The following ZNF146 variants were observed in gnomAD, a reference collection of about 807,000 sequenced individuals.
The protein encoded by ZNF146 is zinc finger protein OZF.
In ZNF146, 9 loss-of-function variants were observed where a neutral mutation model predicts 22.2. The ratio of observed to expected loss-of-function variants is 0.41; its 90% CI spans 0.24 to 0.71. The LOEUF (loss-of-function observed/expected upper bound fraction) is 0.71, where lower values mean the gene tolerates loss of function less well. Ranked by LOEUF, ZNF146 falls within the 30% of genes least tolerant of loss-of-function variation. The pLI, the probability that ZNF146 is intolerant of heterozygous loss-of-function variation, is 0.34. For missense variants in ZNF146, 194 were observed against 344.8 expected (o/e 0.56, Z 3.46); for synonymous variants, 108 against 119.2 (o/e 0.91, Z 0.61).
chr19:36,238,067 G>A lies in ZNF146; in HGVS notation c.*748G>A, dbSNP rs1246323663. ...GATATTTACTGTGGCTTGATTTGTA[G>A]TAGCCAAAAATTAGAAACAACTGAG... On this transcript the variant is annotated 3_prime_UTR_variant, in exon 4 of 4. Transcript: ENST00000443387. 1 of 167,060 alleles carries A rather than the reference G, an allele frequency of 6.0e-6. No homozygotes were observed. Among genetic ancestry groups the A allele is most frequent in the East Asian group, 1.9e-4 (1 of 5,198 alleles). The allele number at this position is 167,060 out of a possible 1,614,324, so 10.3% of individuals were successfully genotyped here. A position where few individuals can be genotyped will look rare whatever the true frequency, so the allele number is the denominator to read the frequency against.
At chr19:36,219,013 T>A (rs1415847580) in intron 2 of ZNF146, among the ~76,000 whole-genome samples, 1 of 151,668 alleles carries the variant, frequency 6.6e-6, no homozygotes, top group Non-Finnish European at 1.5e-5. Flanking sequence ...TTTCACCGTG[T>A]TAGCCAGGAT....
chr19:36,228,192 C>G (rs1233013075), intron 2 of ZNF146, among the ~76,000 whole-genome samples: 11 of 150,802 alleles, frequency 7.3e-5, no homozygotes, highest in Admixed American at 6.6e-4. Flanking sequence ...GAATTTCACT[C>G]TCAGTATAAT....
At chr19:36,219,736 T>C (rs1437278845) in intron 2 of ZNF146, among the ~76,000 whole-genome samples, 1 of 152,182 alleles carries the variant, frequency 6.6e-6, no homozygotes, top group Non-Finnish European at 1.5e-5. Flanking sequence ...TTTCTACAGG[T>C]ATTGTAAAGT....
chr19:36,233,387 C>T (rs373447161), intron 3 of ZNF146, among the ~76,000 whole-genome samples: 3 of 152,018 alleles, frequency 2.0e-5, no homozygotes, highest in African/African-American at 4.8e-5. Context: ...CAGCTGTGGG[C>T]GTTTCTCGTC....
At chr19:36,217,101 T>C (rs1976645259) in intron 1 of ZNF146, among the ~76,000 whole-genome samples, 1 of 133,620 alleles carries the variant, frequency 7.5e-6, no homozygotes, top group African/African-American at 2.8e-5. Context: ...CTCTCTCTCT[T>C]GCCCAGTCTA....
In ZNF146 at chr19:36,238,204, G is replaced by T. The variant is rs1271957849; in HGVS notation, c.*885G>T. The T allele has an allele frequency of 6.0e-6, 1 of 167,016 alleles. No homozygotes were observed. Among genetic ancestry groups the T allele is most frequent in the Non-Finnish European group, 1.5e-5 (1 of 68,116 alleles). 10.3% of individuals were successfully genotyped at this position (167,016 alleles called of 1,614,324 possible). A position where few individuals can be genotyped will look rare whatever the true frequency, so the allele number is the denominator to read the frequency against. On this transcript the variant is annotated 3_prime_UTR_variant, in exon 4 of 4. Transcript: ENST00000443387. ...GAAAGATCCCAGAATTGTTGAGGGG[G>T]GATCAAGTTGCAGAATGATACAGAT...
intron 2 of ZNF146, among the ~76,000 whole-genome samples, chr19:36,221,753 T>G (rs1568429835): frequency 2.0e-5 from 3 of 152,022 alleles, no homozygotes; most frequent in Non-Finnish European, 4.4e-5. Context: ...TTTGTTTGCT[T>G]CTTGTTTATC....
rs185079323 is a variant in ZNF146, at chr19:36,231,910, A to T, written c.-783+3091A>T. On this transcript the variant is annotated intron_variant, in intron 3 of 3. Coordinates refer to ENST00000443387, the MANE Select transcript of ZNF146 (RefSeq NM_007145.3). The stretch of plus-strand genomic sequence containing the variant: ...TTGAGACCCCGTATCTTTTTTATTT[A>T]AAAAAAAAAAGGCCAGACTCGGTGG... Among the ~76,000 whole-genome samples, 457 of 79,274 alleles carry T rather than the reference A, an allele frequency of 5.8e-3. 1 individual carries two copies. Among genetic ancestry groups the T allele is most frequent in the African/African-American group, 0.028 (422 of 15,002 alleles). 52.0% of individuals were successfully genotyped at this position (79,274 alleles called of 152,430 possible). A position where few individuals can be genotyped will look rare whatever the true frequency, so the allele number is the denominator to read the frequency against.
intron 2 of ZNF146, among the ~76,000 whole-genome samples, chr19:36,224,961 A>G (rs1157805209): frequency 6.9e-6 from 1 of 145,846 alleles, no homozygotes; most frequent in Non-Finnish European, 1.5e-5. Flanking sequence ...ACATACTAAT[A>G]TTATTCCCTG....
chr19:36,227,078 C>T (rs966320744), intron 2 of ZNF146, among the ~76,000 whole-genome samples: 3 of 139,320 alleles, frequency 2.2e-5, no homozygotes, highest in Non-Finnish European at 4.7e-5. Flanking sequence ...AGTAAAACTC[C>T]ATCTCAAAAA....
chr19:36,235,789 TC>T lies in ZNF146; in HGVS notation c.-650del, dbSNP rs1977624877. ...AGCGTTGAATATAAGAAAAAATACT[TC>T]CTCTGTTCTCAGATCGTATTTGTTT... On this transcript the variant is annotated 5_prime_UTR_variant, in exon 4 of 4. An upstream open reading frame in the 5' UTR loses its in-frame stop. Transcript: ENST00000443387. The T allele has an allele frequency of 6.6e-6, 1 of 152,186 alleles. No individual in the cohort carries two copies. Among genetic ancestry groups the T allele is most frequent in the African/African-American group, 2.4e-5 (1 of 41,434 alleles). 9.4% of individuals were successfully genotyped at this position (152,186 alleles called of 1,614,324 possible).
At chr19:36,215,063 G>T (rs768390437), upstream of ZNF146, 1 of 152,368 alleles carries the variant, frequency 6.6e-6, no homozygotes, top group Non-Finnish European at 1.5e-5. Flanking sequence ...TGACCGAGGC[G>T]GGCCGCGTCG....
At chr19:36,228,224 TC>T (rs1977166643) in intron 2 of ZNF146, among the ~76,000 whole-genome samples, 1 of 151,172 alleles carries the variant, frequency 6.6e-6, no homozygotes, top group South Asian at 2.1e-4. Context: ...AAATAGGACT[TC>T]AGGAAAATGT....
chr19:36,234,383 A>G (rs980288817), intron 3 of ZNF146, among the ~76,000 whole-genome samples: 1 of 152,150 alleles, frequency 6.6e-6, no homozygotes, highest in African/African-American at 2.4e-5. Context: ...GAGCTCTCCC[A>G]TATAACAAAA....
At chr19:36,223,054 GT>G in intron 2 of ZNF146, among the ~76,000 whole-genome samples, 1 of 152,052 alleles carries the variant, frequency 6.6e-6, no homozygotes, top group African/African-American at 2.4e-5. Context: ...GCCCAAGCAA[GT>G]CTCAGACTCC....
At position 36,231,468 on chromosome 19, in the gene ZNF146, C is replaced by T. The variant is rs553266947; in HGVS notation, c.-783+2649C>T. ...AAGTGATCTGCCCGCCTCAGCCTCT[C>T]AAAGTGCTAGGATTACAGGCGGGAG... On this transcript the variant is annotated intron_variant, in intron 3 of 3. Coordinates refer to ENST00000443387, the MANE Select transcript of ZNF146 (RefSeq NM_007145.3). Among the ~76,000 whole-genome samples, 3 of 152,266 alleles carry T rather than the reference C, an allele frequency of 2.0e-5. No individual in the cohort carries two copies. The South Asian group carries it at 6.2e-4, about 32-fold the overall frequency.
In ZNF146 at chr19:36,216,638, A is replaced by G. The variant is rs145244398; in HGVS notation, c.-929+1442A>G. On this transcript the variant is annotated intron_variant, in intron 1 of 3. Transcript: ENST00000443387. ...TCGCCACTGCACTCCAGCCTGGACA[A>G]GAGCGAGATTCCGTCTCAATAATAG... 9.0e-4 allele frequency among the ~76,000 whole-genome samples: 137 copies of G among 152,150 alleles called. No homozygotes were observed. In the East Asian group the frequency reaches 0.018, roughly 20 times the overall value.
chr19:36,234,667 G>T (rs550157974), intron 3 of ZNF146, among the ~76,000 whole-genome samples: 3 of 152,280 alleles, frequency 2.0e-5, no homozygotes, highest in Admixed American at 2.0e-4. Context: ...AACGTGCTGG[G>T]ATTACAGGCG....
intron 3 of ZNF146, among the ~76,000 whole-genome samples, chr19:36,230,324 T>C (rs542758957): frequency 6.6e-6 from 1 of 152,312 alleles, no homozygotes; most frequent in East Asian, 1.9e-4. Flanking sequence ...GCTAGGGAAA[T>C]GTCAGCTATC....
Sources: gnomAD v4.1 joint callset for allele counts (sites outside exome capture counted in the v4.1 genomes callset) on GRCh38, gnomAD v4.1.1 for gene constraint, MANE v1.5 for transcripts, NCBI Gene and HGNC (gene_info 2026-07-23, HGNC 2026-07-21) for gene names.